The following DERL1 variants were observed in gnomAD, a reference collection of about 807,000 sequenced individuals.
The protein encoded by DERL1 is derlin 1.
A neutral mutation model predicts 41.6 loss-of-function variants in DERL1; 24 were observed. That is an observed-to-expected ratio of 0.58 (90% confidence interval 0.42 to 0.81). The LOEUF is 0.81. Ranked by LOEUF, DERL1 falls within the 30% of genes least tolerant of loss-of-function variation. The pLI is 0.00. For missense variants in DERL1, 260 were observed against 314.3 expected (o/e 0.83, Z 1.31); for synonymous variants, 124 against 112.5 (o/e 1.10, Z -0.65).
chr8:123,022,001 A>G (rs1812559197), intron 5 of DERL1, among the ~76,000 whole-genome samples: 3 of 152,344 alleles, frequency 2.0e-5, no homozygotes, highest in South Asian at 4.1e-4. Context: ...AGCTCTCCAG[A>G]TGAACTCAAC....
Position 123,032,143 on chromosome 8 carries a change from T to C in DERL1, c.154-1427A>G, listed in dbSNP as rs76355867. 6.1e-3 allele frequency among the ~76,000 whole-genome samples: 915 copies of C among 149,454 alleles called. 64 individuals are homozygous for C. In the East Asian group the frequency reaches 0.15, roughly 24 times the overall value. On this transcript the variant is annotated intron_variant, in intron 1 of 7. Coordinates refer to ENST00000259512, the MANE Select transcript of DERL1 (RefSeq NM_024295.6). ...TGTTTTTCTGGATTTACATTTTTTT[T>C]TTCCCCCCCGAGATAGGATCTTGCT...
chr8:123,036,569 T>C (rs1812934180), intron 1 of DERL1, among the ~76,000 whole-genome samples: 1 of 152,216 alleles, frequency 6.6e-6, no homozygotes, highest in African/African-American at 2.4e-5. Flanking sequence ...ATAAACTTAT[T>C]ATACATACAC....
chr8:123,023,936 A>G (rs1401462942), intron 3 of DERL1, among the ~76,000 whole-genome samples, 197 bp from the exon 4 acceptor site: 1 of 152,236 alleles, frequency 6.6e-6, no homozygotes, highest in African/African-American at 2.4e-5. Flanking sequence ...TGGGCAACAT[A>G]GCAAGACCCC....
At chr8:123,033,503 G>A (rs1461786305) in intron 1 of DERL1, among the ~76,000 whole-genome samples, 1 of 152,158 alleles carries the variant, frequency 6.6e-6, no homozygotes, top group Non-Finnish European at 1.5e-5. Context: ...CAGCACTTTG[G>A]GAGGCCGAGG....
At chr8:123,038,603 C>T (rs557380295) in intron 1 of DERL1, among the ~76,000 whole-genome samples, 1 of 152,310 alleles carries the variant, frequency 6.6e-6, no homozygotes, top group African/African-American at 2.4e-5. Context: ...GGCTTATTTA[C>T]ATTGCTTCTT....
chr8:123,036,141 A>C (rs2130493714), intron 1 of DERL1, among the ~76,000 whole-genome samples: 1 of 152,368 alleles, frequency 6.6e-6, no homozygotes. Flanking sequence ...AACAGAAATT[A>C]CTATTTCTCC....
chr8:123,013,294 T>TGATA lies in DERL1; in HGVS notation c.*2149_*2152dup, dbSNP rs1326365349. The TGATA allele has an allele frequency of 1.3e-5, 2 of 152,338 alleles. No homozygotes were observed. Among genetic ancestry groups the TGATA allele is most frequent in the African/African-American group, 4.8e-5 (2 of 41,572 alleles). The allele number at this position is 152,338 out of a possible 1,614,324, so 9.4% of individuals were successfully genotyped here. On this transcript the variant is annotated 3_prime_UTR_variant, in exon 8 of 8. Transcript: ENST00000259512. ...GAGATAATTGGTTACACAAATTATG[T>TGATA]GATATCTAAGAGACAGCAGAGCAGG...
Position 123,042,063 on chromosome 8 carries a change from G to A in DERL1, c.60C>T (p.Ala20=). The change falls in exon 1 of 8, where the codon GCC becomes GCT. Residue 20 remains alanine (A), a synonymous_variant. Coordinates refer to ENST00000259512, the MANE Select transcript of DERL1 (RefSeq NM_024295.6). The part of the protein sequence containing the change: ...SIPAITRYWF[A]ATVAVPLVGK... Reference sequence around the variant, plus strand: ...CGACCAAGGGCACGGCGACGGTGGCGGCGAACCAATAGCGCGTGATCGCCG... The same window carrying A: ...CGACCAAGGGCACGGCGACGGTGGCAGCGAACCAATAGCGCGTGATCGCCG... The A allele has an allele frequency of 6.2e-7, 1 of 1,613,892 alleles. No homozygotes were observed. Among genetic ancestry groups the A allele is most frequent in the Non-Finnish European group, 8.5e-7 (1 of 1,179,916 alleles).
chr8:123,041,289 A>G (rs993013222), intron 1 of DERL1, among the ~76,000 whole-genome samples: 1 of 152,242 alleles, frequency 6.6e-6, no homozygotes, highest in Admixed American at 6.5e-5. Flanking sequence ...ATTGGTGAAT[A>G]CAGATAACCT....
chr8:123,041,996 G>A lies in DERL1; in HGVS notation c.127C>T (p.Pro43Ser), dbSNP rs1293411526. 3 of 1,613,162 alleles carry A rather than the reference G, an allele frequency of 1.9e-6. No homozygotes were observed. Among genetic ancestry groups the A allele is most frequent in the Middle Eastern group, 1.6e-4 (1 of 6,082 alleles). The change falls in exon 1 of 8, where the codon CCC becomes TCC. Residue 43 changes from proline (P) to serine (S), a missense_variant. Physicochemically the swap from Pro to Ser is moderately conservative, Grantham distance 74 (BLOSUM62 -1). Coordinates refer to ENST00000259512, the MANE Select transcript of DERL1 (RefSeq NM_024295.6). ...LISPAYLFLW[P>S]EAFLYRFQIW... ...TGAAAGCGATAAAGGAAGGCTTCGG[G>A]CCAGAGGAAGAGGTAGGCCGGGCTG...
intron 1 of DERL1, among the ~76,000 whole-genome samples, chr8:123,034,646 C>G (rs1444779027): frequency 3.3e-5 from 5 of 152,210 alleles, no homozygotes; most frequent in Admixed American, 3.3e-4. Flanking sequence ...CCTATTTTTA[C>G]AATCCCTCTC....
At chr8:123,035,812 C>G (rs1299256231) in intron 1 of DERL1, among the ~76,000 whole-genome samples, 1 of 152,012 alleles carries the variant, frequency 6.6e-6, no homozygotes, top group African/African-American at 2.4e-5. Context: ...CTAAAATCTT[C>G]TAAACAATCT....
At chr8:123,024,920 T>C in intron 3 of DERL1, 66 bp downstream of exon 3, 2 of 1,519,950 alleles carry the variant, frequency 1.3e-6, no homozygotes, top group Non-Finnish European at 1.8e-6. Context: ...CAGAATATGG[T>C]CTATTTCCCC....
intron 2 of DERL1, among the ~76,000 whole-genome samples, chr8:123,028,554 T>C (rs1812753220): frequency 6.6e-6 from 1 of 152,180 alleles, no homozygotes; most frequent in Non-Finnish European, 1.5e-5. Flanking sequence ...ATTGTGAATA[T>C]ACTAAAGACC....
In DERL1 at chr8:123,039,544, G is replaced by C. The variant is rs549087910; in HGVS notation, c.153+2426C>G. On this transcript the variant is annotated intron_variant, in intron 1 of 7. Coordinates refer to ENST00000259512, the MANE Select transcript of DERL1 (RefSeq NM_024295.6). Reference sequence around the variant, plus strand: ...CTACTTCTGAGCCTTTCACTTACTAGTCCTTCCTGGAAGGTTGTCTCCAGA... The same window carrying C: ...CTACTTCTGAGCCTTTCACTTACTACTCCTTCCTGGAAGGTTGTCTCCAGA... Among the ~76,000 whole-genome samples, 152 of 152,256 alleles carry C rather than the reference G, an allele frequency of 1.0e-3. No individual in the cohort carries two copies. The Middle Eastern group carries it at 0.01, about 10-fold the overall frequency.
chr8:123,037,474 T>A (rs1812952216), intron 1 of DERL1, among the ~76,000 whole-genome samples: 1 of 152,280 alleles, frequency 6.6e-6, no homozygotes, highest in Non-Finnish European at 1.5e-5. Flanking sequence ...CTAAAGAAAT[T>A]GAGGCTCAGA....
intron 3 of DERL1, among the ~76,000 whole-genome samples, 184 bp downstream of exon 3, chr8:123,024,802 G>C (rs1462287802): frequency 1.3e-5 from 2 of 152,132 alleles, no homozygotes; most frequent in Non-Finnish European, 2.9e-5. Context: ...GTAAGAGAAT[G>C]CATCACTCAA....
chr8:123,035,794 T>C (rs909373729), intron 1 of DERL1, among the ~76,000 whole-genome samples: 1 of 152,132 alleles, frequency 6.6e-6, no homozygotes, highest in Non-Finnish European at 1.5e-5. Flanking sequence ...GTTGCAGCCA[T>C]CCTTTAGCTA....
In DERL1 at chr8:123,021,920, T is replaced by G. The variant is rs887469896; in HGVS notation, c.454-421A>C. ...TTTTTAGGTTCTTCTTTTACATATC[T>G]TGCAAAATTCCTCTGAATTTTTATC... On this transcript the variant is annotated intron_variant, in intron 5 of 7. Coordinates refer to ENST00000259512, the MANE Select transcript of DERL1 (RefSeq NM_024295.6). Among the ~76,000 whole-genome samples the G allele has an allele frequency of 9.9e-5, 15 of 152,198 alleles. 1 individual carries two copies. The highest frequency in any genetic ancestry group is 3.4e-4 in the African/African-American group (14 of 41,434).
Sources: gnomAD v4.1 joint callset for allele counts (sites outside exome capture counted in the v4.1 genomes callset) on GRCh38, gnomAD v4.1.1 for gene constraint, MANE v1.5 for transcripts, NCBI Gene and HGNC (gene_info 2026-07-23, HGNC 2026-07-21) for gene names.